Variants in OPN4 observed in about 807,000 individuals in gnomAD.
The protein encoded by OPN4 is melanopsin.
A neutral mutation model predicts 49.5 loss-of-function variants in OPN4; 43 were observed. The observed-to-expected ratio is 0.87, with a 90% confidence interval of 0.68 to 1.12. The LOEUF (loss-of-function observed/expected upper bound fraction) is 1.12. OPN4 is among the 50% of genes most tolerant of loss of function. The pLI, the probability that OPN4 is intolerant of heterozygous loss-of-function variation, is 0.00. For missense variants in OPN4, 657 were observed against 643.9 expected (o/e 1.02, Z -0.22); for synonymous variants, 263 against 258.0 (o/e 1.02, Z -0.19).
At position 86,665,732 on chromosome 10, in the gene OPN4, G is replaced by C. The variant is rs1373595368; in HGVS notation, c.1418G>C (p.Ser473Thr). 1 of 1,613,690 alleles carries C rather than the reference G, an allele frequency of 6.2e-7. No individual in the cohort carries two copies. The highest frequency in any genetic ancestry group is 8.5e-7 in the Non-Finnish European group (1 of 1,179,708). ...TTGCAGACCAAGGGGCTGATCCCCA[G>C]CCAGGACCCCAGGATGTAGGACGCC... is the stretch of plus-strand genomic sequence containing the variant. ...TPGKTKGLIP[S>T]QDPRM Residue 473 changes from serine to threonine, a missense_variant, in exon 10 of 10, where the codon AGC becomes ACC. Transcript: ENST00000241891.
Position 86,659,615 on chromosome 10 carries a change from G to C in OPN4, c.800+147G>C, listed in dbSNP as rs1009691006. On this transcript the variant is annotated intron_variant, in intron 5 of 9. Coordinates refer to ENST00000241891, the MANE Select transcript of OPN4 (RefSeq NM_033282.4). ...CTGAGCAAGTGCTTATGGGGCAGCA[G>C]TGTCTAGGGGAGCCTCAGGAGACAA... 5 of 1,188,502 alleles carry C rather than the reference G, an allele frequency of 4.2e-6. No homozygotes were observed. In the African/African-American group the frequency reaches 6.2e-5, roughly 15 times the overall value. 73.6% of individuals were successfully genotyped at this position (1,188,502 alleles called of 1,614,324 possible).
chr10:86,664,229 C>T (rs981997496), intron 9 of OPN4, among the ~76,000 whole-genome samples: 13 of 152,194 alleles, frequency 8.5e-5, no homozygotes, highest in Admixed American at 2.6e-4. Flanking sequence ...CCCAGTGACA[C>T]GTGACTAAGC....
At chr10:86,664,306 T>C (rs1166589187) in intron 9 of OPN4, among the ~76,000 whole-genome samples, 1 of 152,190 alleles carries the variant, frequency 6.6e-6, no homozygotes, top group African/African-American at 2.4e-5. Context: ...CCTCTCTGTG[T>C]GACTGCGAGG....
Position 86,662,377 on chromosome 10 carries a change from T to C in OPN4, c.1199T>C (p.Leu400Pro). Residue 400 changes from leucine (L) to proline (P), a missense_variant, in exon 8 of 10, where the codon CTC becomes CCC. Leu to Pro is a moderately conservative substitution (Grantham distance 98). Transcript: ENST00000241891. ...RSTLTSHTSN[L>P]SWISIRRRQE... The stretch of plus-strand genomic sequence containing the variant: ...ACGCTGACCAGCCACACCTCCAACC[T>C]CAGCTGGATCTCCATACGGAGGCGC... The C allele has an allele frequency of 6.3e-7, 1 of 1,578,464 alleles. No individual in the cohort carries two copies.
intron 2 of OPN4, among the ~76,000 whole-genome samples, chr10:86,656,807 T>C (rs1843878232): frequency 6.6e-6 from 1 of 151,688 alleles, no homozygotes; most frequent in Non-Finnish European, 1.5e-5. Flanking sequence ...TAGCCAGGTG[T>C]GGTGGTGTGT....
In OPN4 at chr10:86,654,809, T is replaced by TTCC; in HGVS notation, c.26_27insTCC (p.Pro11dup). The stretch of plus-strand genomic sequence containing the variant: ...ATGAACCCTCCTTCGGGGCCAAGAG[T>TTCC]CCCGCCCAGCCCAACCCAAGAGCCC... On this transcript the variant is annotated inframe_insertion, in exon 1 of 10. Transcript: ENST00000241891. 24 of 1,554,310 alleles carry TTCC rather than the reference T, an allele frequency of 1.5e-5. No homozygotes were observed. The highest frequency in any genetic ancestry group is 1.5e-5 in the Non-Finnish European group (17 of 1,128,438).
intron 9 of OPN4, 85 bp from the exon 10 acceptor site, chr10:86,665,628 G>T: frequency 8.7e-7 from 1 of 1,143,158 alleles, no homozygotes; most frequent in Non-Finnish European, 1.3e-6. Flanking sequence ...CCACTGCTCG[G>T]TGACCCAGTG....
At position 86,656,262 on chromosome 10, in the gene OPN4, G is replaced by A. The variant is rs756999670; in HGVS notation, c.252G>A (p.Gly84=). ...GTVILLVGLT[G]MLGNLTVIYT... ...TGATCTTGCTGGTGGGACTCACGGG[G>A]ATGCTGGGCAACCTGACGGTCATCT... is the stretch of plus-strand genomic sequence containing the variant. The change falls in exon 2 of 10, where the codon GGG becomes GGA. Residue 84 remains glycine (G), a synonymous_variant. Transcript: ENST00000241891. The A allele has an allele frequency of 1.9e-6, 3 of 1,612,952 alleles. No homozygotes were observed. The South Asian group carries it at 3.3e-5, about 18-fold the overall frequency.
At position 86,659,327 on chromosome 10, in the gene OPN4, C is replaced by A. The variant is rs1354717033; in HGVS notation, c.659C>A (p.Ser220Tyr). ...TACGTGCCCGAGGGGTTGCTGACAT[C>A]CTGCTCCTGGGACTACATGAGCTTC... ...SAYVPEGLLT[S>Y]CSWDYMSFTP... Residue 220 changes from serine (S) to tyrosine (Y), a missense_variant, in exon 5 of 10, where the codon TCC (serine) becomes TAC (tyrosine). Physicochemically the swap from Ser to Tyr is moderately radical, Grantham distance 144. Coordinates refer to ENST00000241891, the MANE Select transcript of OPN4 (RefSeq NM_033282.4). 1 of 1,613,578 alleles carries A rather than the reference C, an allele frequency of 6.2e-7. No homozygotes were observed.
Position 86,665,788 on chromosome 10 carries a change from C to G in OPN4, c.*37C>G, listed in dbSNP as rs753954326. On this transcript the variant is annotated 3_prime_UTR_variant, in exon 10 of 10. Coordinates refer to ENST00000241891, the MANE Select transcript of OPN4 (RefSeq NM_033282.4). ...GCTCTCCCTTTCTTCTGAGACACATCCAGCCCCCCCACGTCTCCCTCATAT... is the reference window on the plus strand; with the variant it reads ...GCTCTCCCTTTCTTCTGAGACACATGCAGCCCCCCCACGTCTCCCTCATAT... The G allele has an allele frequency of 6.4e-7, 1 of 1,551,258 alleles. No individual in the cohort carries two copies. Among genetic ancestry groups the G allele is most frequent in the Admixed American group, 1.7e-5 (1 of 59,634 alleles).
Position 86,665,772 on chromosome 10 carries a change from T to C in OPN4, c.*21T>C, listed in dbSNP as rs1252265580. On this transcript the variant is annotated 3_prime_UTR_variant, in exon 10 of 10. Coordinates refer to ENST00000241891, the MANE Select transcript of OPN4 (RefSeq NM_033282.4). ...TGTAGGACGCCCACTGGCTCTCCCT[T>C]TCTTCTGAGACACATCCAGCCCCCC... is the stretch of plus-strand genomic sequence containing the variant. The C allele has an allele frequency of 6.2e-7, 1 of 1,605,338 alleles. No individual in the cohort carries two copies.
rs147596527 is a variant in OPN4 at position 86,662,307 on chromosome 10, C to T, written c.1129C>T (p.Arg377Trp). ...GGGGGTGCTGCTGGGTGTATCACGC[C>T]GGCACAGTCGCCCCTACCCCAGCTA... The part of the protein sequence containing the change: ...CLGVLLGVSR[R>W]HSRPYPSYRS... Residue 377 changes from arginine (R) to tryptophan (W), a missense_variant, in exon 8 of 10, where the codon CGG becomes TGG. Physicochemically the swap from Arg to Trp is moderately radical, Grantham distance 101. Coordinates refer to ENST00000241891, the MANE Select transcript of OPN4 (RefSeq NM_033282.4). The T allele has an allele frequency of 1.7e-5, 27 of 1,607,902 alleles. No homozygotes were observed. The highest frequency in any genetic ancestry group is 2.2e-5 in the East Asian group (1 of 44,738).
chr10:86,656,066 C>A, intron 1 of OPN4, 89 bp from the exon 2 acceptor site: 1 of 1,555,600 alleles, frequency 6.4e-7, no homozygotes, highest in Non-Finnish European at 8.8e-7. Context: ...TCCCACCTGC[C>A]CTGTTGAGAA....
chr10:86,666,018 TC>T lies in OPN4; in HGVS notation c.*270del. 5.9e-6 allele frequency: 3 copies of T among 509,290 alleles called. No individual in the cohort carries two copies. Among genetic ancestry groups the T allele is most frequent in the Non-Finnish European group, 1.0e-5 (3 of 287,626 alleles). The allele number at this position is 509,290 out of a possible 1,614,324, so 31.5% of individuals were successfully genotyped here. A position where few individuals can be genotyped will look rare whatever the true frequency, so the allele number is the denominator to read the frequency against. On this transcript the variant is annotated 3_prime_UTR_variant, in exon 10 of 10. Transcript: ENST00000241891. ...GGGTATGTGCCCAGGCCCTCCCACT[TC>T]CCGAGTTGTCTGCCTCTCCTCAAAT...
In OPN4 at chr10:86,654,798, G is replaced by A. The variant is rs372977432; in HGVS notation, c.15G>A (p.Ser5=). 1.1e-5 allele frequency: 17 copies of A among 1,612,040 alleles called. No individual in the cohort carries two copies. Among genetic ancestry groups the A allele is most frequent in the Middle Eastern group, 1.7e-4 (1 of 6,044 alleles). Residue 5 remains serine, a synonymous_variant, in exon 1 of 10, where the codon TCG becomes TCA. Coordinates refer to ENST00000241891, the MANE Select transcript of OPN4 (RefSeq NM_033282.4). MNPP[S]GPRVPPSPTQ... is the part of the protein sequence containing the mutation. ...CCCAACTCAGGATGAACCCTCCTTC[G>A]GGGCCAAGAGTCCCGCCCAGCCCAA...
intron 6 of OPN4, among the ~76,000 whole-genome samples, chr10:86,660,557 TTGTGGAGGAA>T (rs1308424020): frequency 6.6e-6 from 1 of 152,194 alleles, no homozygotes; most frequent in Non-Finnish European, 1.5e-5. Flanking sequence ...GGAGACCTTC[TTGTGGAGGAA>T]TGGCCTGGTC....
chr10:86,664,878 G>T (rs1331480027), intron 9 of OPN4, among the ~76,000 whole-genome samples: 2 of 152,204 alleles, frequency 1.3e-5, no homozygotes, highest in Non-Finnish European at 2.9e-5. Context: ...TGGAGGGATA[G>T]GCTCAGGGGG....
chr10:86,663,532 A>G, intron 8 of OPN4, 127 bp from the exon 9 acceptor site: 1 of 824,828 alleles, frequency 1.2e-6, no homozygotes, highest in Admixed American at 3.6e-5. Flanking sequence ...AACGGTGCAA[A>G]TGGTGTCAGG....
At chr10:86,664,118 G>A in intron 9 of OPN4, 1 of 275,254 alleles carries the variant, frequency 3.6e-6, no homozygotes, top group Non-Finnish European at 6.9e-6. Context: ...GAGGGTAGGA[G>A]GTCTGCAGCC....
Sources: gnomAD v4.1 joint callset for allele counts (sites outside exome capture counted in the v4.1 genomes callset) on GRCh38, gnomAD v4.1.1 for gene constraint, MANE v1.5 for transcripts, NCBI Gene and HGNC (gene_info 2026-07-23, HGNC 2026-07-21) for gene names.